COL22A1: variants seen among roughly 807,000 people sequenced by gnomAD.
COL22A1 encodes the protein collagen alpha-1(XXII) chain.
COL22A1 carries 221 observed loss-of-function variants against 248.9 expected under a neutral mutation model. The ratio of observed to expected loss-of-function variants is 0.89; its 90% confidence interval spans 0.80 to 0.99. The LOEUF is 0.99. Ranked by LOEUF, COL22A1 falls within the 50% of genes least tolerant of loss-of-function variation. The pLI is 0.00. For synonymous variants in COL22A1, 891 were observed against 793.4 expected (o/e 1.12, Z -2.07); for missense variants, 2,240 against 2,179.0 (o/e 1.03, Z -0.56).
At chr8:138,623,977 T>C (rs547460814) in intron 51 of COL22A1, among the ~76,000 whole-genome samples, 192 bp from the exon 52 acceptor site, 28 of 152,296 alleles carry the variant, frequency 1.8e-4, no homozygotes, top group Non-Finnish European at 3.8e-4. Context: ...ATTCCAGCTG[T>C]GGATCTCTGA....
intron 64 of COL22A1, among the ~76,000 whole-genome samples, chr8:138,590,619 G>A (rs981573328): frequency 1.3e-5 from 2 of 151,916 alleles, no homozygotes; most frequent in African/African-American, 2.4e-5. Context: ...AAATCATGAA[G>A]GTATAAATAC....
chr8:138,711,089 C>T (rs1828925774), intron 30 of COL22A1, among the ~76,000 whole-genome samples: 1 of 152,128 alleles, frequency 6.6e-6, no homozygotes, highest in African/African-American at 2.4e-5. Flanking sequence ...CCCATGGGGG[C>T]TCTCTGCCTT....
At chr8:138,755,073 G>C in intron 21 of COL22A1, 84 bp downstream of exon 21, 1 of 1,383,440 alleles carries the variant, frequency 7.2e-7, no homozygotes, top group Non-Finnish European at 1.0e-6. Flanking sequence ...GCCATGCTCA[G>C]CGCCGGGAAT....
intron 28 of COL22A1, 85 bp from the exon 29 acceptor site, chr8:138,716,374 T>A: frequency 1.1e-6 from 1 of 903,730 alleles, no homozygotes; most frequent in Non-Finnish European, 1.7e-6. Flanking sequence ...CAGTTCCTGC[T>A]CTCCAGGAAC....
chr8:138,765,389 A>G (rs1230457210), intron 16 of COL22A1, among the ~76,000 whole-genome samples: 1 of 152,206 alleles, frequency 6.6e-6, no homozygotes, highest in Non-Finnish European at 1.5e-5. Flanking sequence ...AAAGGCACAT[A>G]GAAACTTAGC....
chr8:138,852,057 A>T (rs1821686405), intron 3 of COL22A1, among the ~76,000 whole-genome samples: 1 of 151,492 alleles, frequency 6.6e-6, no homozygotes, highest in Non-Finnish European at 1.5e-5. Flanking sequence ...GAATTGGGGG[A>T]GTGATGCATG....
chr8:138,780,817 C>G, intron 13 of COL22A1, 110 bp downstream of exon 13: 1 of 883,218 alleles, frequency 1.1e-6, no homozygotes, highest in African/African-American at 1.6e-5. Context: ...TACGTCCCCA[C>G]TCAAGTCTGG....
chr8:138,624,145 G>T (rs1339721396), intron 51 of COL22A1, among the ~76,000 whole-genome samples: 1 of 152,174 alleles, frequency 6.6e-6, no homozygotes, highest in African/African-American at 2.4e-5. Context: ...TGAGCACAGT[G>T]ATGGGTGAGG....
At chr8:138,659,292 G>A (rs1345039967) in intron 44 of COL22A1, among the ~76,000 whole-genome samples, 1 of 152,114 alleles carries the variant, frequency 6.6e-6, no homozygotes, top group African/African-American at 2.4e-5. Flanking sequence ...CCCTGTCCAG[G>A]TCTCTGCTGT....
At chr8:138,639,697 A>G (rs548237307) in intron 47 of COL22A1, among the ~76,000 whole-genome samples, 37 of 152,290 alleles carry the variant, frequency 2.4e-4, no homozygotes, top group Non-Finnish European at 4.3e-4. Context: ...TAAAAGCTAA[A>G]TGAGACTTTT....
intron 30 of COL22A1, among the ~76,000 whole-genome samples, chr8:138,712,459 T>G (rs1429858877): frequency 6.6e-6 from 1 of 152,130 alleles, no homozygotes; most frequent in Non-Finnish European, 1.5e-5. Context: ...CTGTACCCCC[T>G]TTAGAGCCAG....
At chr8:138,666,818 C>A (rs1824543746) in intron 41 of COL22A1, among the ~76,000 whole-genome samples, 1 of 152,150 alleles carries the variant, frequency 6.6e-6, no homozygotes, top group African/African-American at 2.4e-5. Context: ...TTTCTTATGT[C>A]ATTTAACAGA....
chr8:138,602,015 G>A, intron 60 of COL22A1, 100 bp downstream of exon 60: 19 of 1,280,228 alleles, frequency 1.5e-5, no homozygotes, highest in Non-Finnish European at 2.2e-5. Flanking sequence ...CCAGGCGGGT[G>A]TTTACTAACT....
chr8:138,704,758 C>T (rs1334560813), intron 30 of COL22A1, among the ~76,000 whole-genome samples: 5 of 152,176 alleles, frequency 3.3e-5, no homozygotes, highest in Non-Finnish European at 7.3e-5. Context: ...AGCAATGGAA[C>T]AAAGCTGGAT....
intron 32 of COL22A1, among the ~76,000 whole-genome samples, chr8:138,696,827 G>A (rs1054153202): frequency 1.3e-5 from 2 of 152,236 alleles, no homozygotes; most frequent in African/African-American, 4.8e-5. Flanking sequence ...AAGGAGACAT[G>A]TCTAGCCCCA....
At chr8:138,665,035 A>G (rs1824372595) in intron 41 of COL22A1, among the ~76,000 whole-genome samples, 1 of 152,214 alleles carries the variant, frequency 6.6e-6, no homozygotes, top group Non-Finnish European at 1.5e-5. Context: ...ACCAACGCCA[A>G]GGTTCCTGCA....
intron 28 of COL22A1, 51 bp downstream of exon 28, chr8:138,716,774 A>G: frequency 7.4e-7 from 1 of 1,356,950 alleles, no homozygotes; most frequent in East Asian, 2.3e-5. Context: ...TGTAGCGTAT[A>G]ACAATGAATG....
intron 35 of COL22A1, among the ~76,000 whole-genome samples, chr8:138,692,260 GTGTGCATGTTTGTGTGCACATGCA>G (rs1246089021): frequency 6.3e-4 from 25 of 39,762 alleles, no homozygotes; most frequent in East Asian, 2.3e-3. Context: ...ATGTGTGCGT[GTGTGCATGTTTGTGTGCACATGCA>G]TGTGTGCATG....
chr8:138,806,616 A>C (rs1245824688), intron 10 of COL22A1, among the ~76,000 whole-genome samples: 1 of 152,156 alleles, frequency 6.6e-6, no homozygotes, highest in African/African-American at 2.4e-5. Flanking sequence ...CATCTGGAGA[A>C]TGGGACCAAT....
Sources: gnomAD v4.1 joint callset for allele counts (sites outside exome capture counted in the v4.1 genomes callset) on GRCh38, gnomAD v4.1.1 for gene constraint, MANE v1.5 for transcripts, NCBI Gene and HGNC (gene_info 2026-07-23, HGNC 2026-07-21) for gene names.